Variants in CACNG2 observed in about 807,000 individuals in gnomAD.
CACNG2 encodes the protein voltage-dependent calcium channel gamma-2 subunit.
CACNG2 carries 3 observed loss-of-function variants against 25.9 expected under a neutral mutation model. The ratio of observed to expected loss-of-function variants is 0.12; its 90% CI spans 0.05 to 0.30. CACNG2 has a LOEUF of 0.30. CACNG2 is among the 10% of genes least tolerant of loss of function. CACNG2 has a pLI of 1.00. For synonymous variants in CACNG2, 167 were observed against 173.3 expected (o/e 0.96, Z 0.29); for missense variants, 341 against 432.5 (o/e 0.79, Z 1.88).
At chr22:36,587,856 C>T (rs1341152210) in intron 1 of CACNG2, among the ~76,000 whole-genome samples, 15 of 152,196 alleles carry the variant, frequency 9.9e-5, no homozygotes, top group Admixed American at 9.2e-4. Flanking sequence ...CTGGGGACTG[C>T]CACGCAGGAG....
At chr22:36,617,863 A>G (rs977063255) in intron 1 of CACNG2, among the ~76,000 whole-genome samples, 1 of 151,580 alleles carries the variant, frequency 6.6e-6, no homozygotes, top group Non-Finnish European at 1.5e-5. Context: ...TGTGTTGAAC[A>G]CCTGCCACAT....
chr22:36,574,686 G>T lies in CACNG2; in HGVS notation c.296-8193C>A, dbSNP rs151040249. On this transcript the variant is annotated intron_variant, in intron 2 of 3. Transcript: ENST00000300105. The stretch of plus-strand genomic sequence containing the variant: ...AAACCCAGCTACTTGGGAAGCTGAG[G>T]CAGGAGAATTGCTTGAACCTGGGAG... 5.8e-3 allele frequency among the ~76,000 whole-genome samples: 884 copies of T among 152,350 alleles called. 7 individuals carry two copies. Among genetic ancestry groups the T allele is most frequent in the African/African-American group, 0.02 (838 of 41,574 alleles).
chr22:36,587,665 C>A (rs1935526404), intron 1 of CACNG2, 117 bp from the exon 2 acceptor site: 3 of 786,742 alleles, frequency 3.8e-6, no homozygotes, highest in Middle Eastern at 2.3e-4. Context: ...CTCTCCCTCA[C>A]CCCTGAAGGA....
chr22:36,570,160 C>T (rs1252765836), intron 2 of CACNG2, among the ~76,000 whole-genome samples: 1 of 152,214 alleles, frequency 6.6e-6, no homozygotes, highest in African/African-American at 2.4e-5. Flanking sequence ...CCCAGCTCAG[C>T]CCTCCTGCCA....
At chr22:36,655,017 G>A (rs1382631748) in intron 1 of CACNG2, among the ~76,000 whole-genome samples, 1 of 152,076 alleles carries the variant, frequency 6.6e-6, no homozygotes, top group East Asian at 1.9e-4. Flanking sequence ...GCGGAGCTGT[G>A]ATTTGGGAGG....
chr22:36,647,158 T>C (rs1176329164), intron 1 of CACNG2, among the ~76,000 whole-genome samples: 1 of 151,950 alleles, frequency 6.6e-6, no homozygotes, highest in African/African-American at 2.4e-5. Flanking sequence ...AGCCTTCCGC[T>C]TCTCTCTCTC....
chr22:36,587,513 A>G lies in CACNG2; in HGVS notation c.247T>C (p.Phe83Leu). The part of the protein sequence containing the change: ...FKGLCKQIDH[F>L]PEDADYEADT... Reference sequence around the variant, plus strand: ...GCTTCGTAATCTGCATCCTCTGGGAAGTGATCAATTTGCTTGCACAGACCT... The same window carrying G: ...GCTTCGTAATCTGCATCCTCTGGGAGGTGATCAATTTGCTTGCACAGACCT... Residue 83 changes from phenylalanine to leucine, a missense_variant, in exon 2 of 4, where the codon TTC (phenylalanine) becomes CTC (leucine). Physicochemically the swap from Phe to Leu is conservative, Grantham distance 22. Coordinates refer to ENST00000300105, the MANE Select transcript of CACNG2 (RefSeq NM_006078.5). 2.5e-6 allele frequency: 4 copies of G among 1,613,792 alleles called. No homozygotes were observed. The highest frequency in any genetic ancestry group is 1.3e-5 in the African/African-American group (1 of 75,058).
intron 2 of CACNG2, among the ~76,000 whole-genome samples, chr22:36,575,609 A>G (rs1935300083): frequency 6.6e-6 from 1 of 152,098 alleles, no homozygotes; most frequent in Non-Finnish European, 1.5e-5. Flanking sequence ...ACGGGACCTG[A>G]GCATGTGCTA....
chr22:36,694,681 T>C lies in CACNG2; in HGVS notation c.211+7685A>G, dbSNP rs535662300. Among the ~76,000 whole-genome samples the C allele has an allele frequency of 7.4e-4, 112 of 152,302 alleles. 1 individual carries two copies. Among genetic ancestry groups the C allele is most frequent in the African/African-American group, 2.4e-3 (100 of 41,558 alleles). On this transcript the variant is annotated intron_variant, in intron 1 of 3. Transcript: ENST00000300105. The stretch of plus-strand genomic sequence containing the variant: ...ACAGAGCCATTTTGCAAGATTCTTA[T>C]TCTTTAGGGTCCCCTGCTAGGACTC...
chr22:36,641,570 G>A (rs907267704), intron 1 of CACNG2, among the ~76,000 whole-genome samples: 2 of 152,222 alleles, frequency 1.3e-5, no homozygotes, highest in African/African-American at 4.8e-5. Flanking sequence ...GAAGGGTGGA[G>A]GAAGGCAAGC....
chr22:36,583,427 C>T (rs1264882687), intron 2 of CACNG2, among the ~76,000 whole-genome samples: 3 of 146,240 alleles, frequency 2.1e-5, no homozygotes, highest in Non-Finnish European at 3.0e-5. Flanking sequence ...AGCAAGATTC[C>T]GTCTCAAAAA....
chr22:36,586,823 T>C (rs1173307602), intron 2 of CACNG2, among the ~76,000 whole-genome samples: 1 of 152,242 alleles, frequency 6.6e-6, no homozygotes, highest in East Asian at 1.9e-4. Flanking sequence ...TTTTTGCTGA[T>C]ACTTGAGACA....
intron 1 of CACNG2, among the ~76,000 whole-genome samples, chr22:36,690,539 C>T (rs765631462): frequency 7.2e-5 from 11 of 152,274 alleles, no homozygotes; most frequent in Non-Finnish European, 1.3e-4. Context: ...CACTGTGTGC[C>T]GGCACCTCGG....
At chr22:36,679,189 CCTTCCTTCCTTT>C (rs1204794850) in intron 1 of CACNG2, among the ~76,000 whole-genome samples, 8,835 of 67,286 alleles carry the variant, frequency 0.13, 290 homozygotes, top group East Asian at 0.26. Flanking sequence ...TTCCTTCCTT[CCTTCCTTCCTTT>C]CTTTCTTTCT....
chr22:36,680,567 AG>A (rs1227132696), intron 1 of CACNG2, among the ~76,000 whole-genome samples: 1 of 148,574 alleles, frequency 6.7e-6, no homozygotes, highest in Middle Eastern at 3.4e-3. Context: ...CACCACCATC[AG>A]CACCACCTTC....
intron 1 of CACNG2, among the ~76,000 whole-genome samples, chr22:36,692,475 T>C (rs1341905958): frequency 6.6e-6 from 1 of 152,192 alleles, no homozygotes; most frequent in East Asian, 1.9e-4. Context: ...TCAGCTTTTA[T>C]GGCAAAGCTG....
At chr22:36,580,383 T>A (rs1449719955) in intron 2 of CACNG2, among the ~76,000 whole-genome samples, 2 of 152,078 alleles carry the variant, frequency 1.3e-5, no homozygotes, top group Non-Finnish European at 2.9e-5. Context: ...GGTCAGTGAA[T>A]CCCTGGGGAG....
intron 3 of CACNG2, among the ~76,000 whole-genome samples, chr22:36,565,104 A>G (rs1258795099): frequency 6.6e-6 from 1 of 152,210 alleles, no homozygotes; most frequent in African/African-American, 2.4e-5. Context: ...GGAAGCGCTA[A>G]TGGAAACAGA....
intron 1 of CACNG2, among the ~76,000 whole-genome samples, chr22:36,654,862 T>C (rs1936679857): frequency 1.3e-5 from 2 of 152,284 alleles, no homozygotes; most frequent in South Asian, 4.1e-4. Flanking sequence ...GACGTATTCT[T>C]GCTGTTCCTA....
Sources: gnomAD v4.1 joint callset for allele counts (sites outside exome capture counted in the v4.1 genomes callset) on GRCh38, gnomAD v4.1.1 for gene constraint, MANE v1.5 for transcripts, NCBI Gene and HGNC (gene_info 2026-07-23, HGNC 2026-07-21) for gene names.